The following TRAF3 variants were observed in gnomAD, a reference collection of about 807,000 sequenced individuals.
TRAF3 encodes the protein TNF receptor-associated factor 3.
TRAF3 carries 13 observed loss-of-function variants against 62.3 expected under a neutral mutation model. That is an observed-to-expected ratio of 0.21 (90% confidence interval 0.14 to 0.33). The LOEUF (loss-of-function observed/expected upper bound fraction) is 0.33, where lower values mean the gene tolerates loss of function less well. Among genes scored for constraint, TRAF3 ranks in the 10% least tolerant of loss-of-function variants. TRAF3 has a pLI of 1.00. For synonymous variants in TRAF3, 269 were observed against 283.4 expected, an observed-to-expected ratio of 0.95 and a Z score of 0.51; for missense variants, 440 against 741.8, an observed-to-expected ratio of 0.59 and a Z score of 4.73.
At chr14:102,810,664 C>T (rs1899064545) in intron 1 of TRAF3, 1 of 152,192 alleles carries the variant, frequency 6.6e-6, no homozygotes, top group Admixed American at 6.5e-5. Flanking sequence ...TTTTGATCAG[C>T]AGCTGACATC....
chr14:102,811,282 A>C (rs1409939651), intron 1 of TRAF3, among the ~76,000 whole-genome samples: 1 of 149,636 alleles, frequency 6.7e-6, no homozygotes, highest in Non-Finnish European at 1.5e-5. Flanking sequence ...CGTCCTTCTG[A>C]GCAAACAATG....
chr14:102,886,341 A>G (rs1889387515), intron 7 of TRAF3, 72 bp downstream of exon 7: 8 of 1,341,304 alleles, frequency 6.0e-6, no homozygotes, highest in South Asian at 3.7e-5. Context: ...CCTTCCCTGC[A>G]TAGCCGAAGC....
intron 2 of TRAF3, among the ~76,000 whole-genome samples, chr14:102,857,791 G>A (rs1335260257): frequency 6.6e-6 from 1 of 152,206 alleles, no homozygotes; most frequent in Non-Finnish European, 1.5e-5. Context: ...AAAACAACTA[G>A]TTTCTCTAAT....
rs963628531 is a variant in TRAF3 at position 102,858,833 on chromosome 14, A to G, written c.-17-11352A>G. Among the ~76,000 whole-genome samples the G allele has an allele frequency of 2.6e-5, 4 of 152,310 alleles. No homozygotes were observed. In the South Asian group the frequency reaches 8.3e-4, roughly 32 times the overall value. ...GCTTCCTGTATGATTTTTATACCAA[A>G]TAAGCCAAATTTCACCATTGCATTA... is the stretch of plus-strand genomic sequence containing the variant. On this transcript the variant is annotated intron_variant, in intron 2 of 11. Coordinates refer to ENST00000392745, the MANE Select transcript of TRAF3 (RefSeq NM_145725.3).
intron 6 of TRAF3, among the ~76,000 whole-genome samples, chr14:102,880,803 C>T (rs889681610): frequency 6.6e-6 from 1 of 152,156 alleles, no homozygotes; most frequent in African/African-American, 2.4e-5. Flanking sequence ...ATTGGCTGGG[C>T]GCCGTGGCTT....
At chr14:102,877,635 A>G (rs915736054) in intron 6 of TRAF3, among the ~76,000 whole-genome samples, 2 of 147,732 alleles carry the variant, frequency 1.4e-5, no homozygotes, top group Non-Finnish European at 3.0e-5. Context: ...CGCTCAGCTC[A>G]TAGATAATCC....
chr14:102,850,338 C>T (rs1257061656), intron 2 of TRAF3, among the ~76,000 whole-genome samples: 1 of 152,100 alleles, frequency 6.6e-6, no homozygotes, highest in African/African-American at 2.4e-5. Flanking sequence ...AAATTCATGT[C>T]TAAGACTGTA....
chr14:102,899,874 TTTTC>T (rs1227970044), intron 10 of TRAF3, among the ~76,000 whole-genome samples: 2 of 152,116 alleles, frequency 1.3e-5, no homozygotes, highest in African/African-American at 4.8e-5. Flanking sequence ...AATATCCTGT[TTTTC>T]TTTATTAAGA....
At chr14:102,859,379 G>A (rs1887557980) in intron 2 of TRAF3, among the ~76,000 whole-genome samples, 1 of 152,126 alleles carries the variant, frequency 6.6e-6, no homozygotes, top group East Asian at 1.9e-4. Flanking sequence ...TATGTACTAG[G>A]TATGGAGCCT....
rs1258952481 is a variant in TRAF3 at position 102,777,543 on chromosome 14, G to T, written c.-289G>T. ...GCAGCCCAGCCGGGACTTTCCAGCCGGCGGCAGCCGCGGCGGCCGCCGGCT... is the reference window on the plus strand; with the variant it reads ...GCAGCCCAGCCGGGACTTTCCAGCCTGCGGCAGCCGCGGCGGCCGCCGGCT... On this transcript the variant is annotated 5_prime_UTR_variant, in exon 1 of 12. Transcript: ENST00000392745. The T allele has an allele frequency of 6.9e-6, 1 of 144,924 alleles. No individual in the cohort carries two copies. The highest frequency in any genetic ancestry group is 1.5e-5 in the Non-Finnish European group (1 of 65,170). 9.0% of individuals were successfully genotyped at this position (144,924 alleles called of 1,614,324 possible).
At position 102,819,092 on chromosome 14, in the gene TRAF3, T is replaced by A. The variant is rs553361341; in HGVS notation, c.-156-11242T>A. 9.3e-3 allele frequency among the ~76,000 whole-genome samples: 1,417 copies of A among 151,878 alleles called. 24 individuals are homozygous for A. The highest frequency in any genetic ancestry group is 0.032 in the African/African-American group (1,338 of 41,394). ...AAGTGAAGTTAAAAATTAATTAATT[T>A]AAAAAAATCCCAACTCTTCCATCAC... is the stretch of plus-strand genomic sequence containing the variant. On this transcript the variant is annotated intron_variant, in intron 1 of 11. Transcript: ENST00000392745.
chr14:102,899,886 A>C (rs898699194), intron 10 of TRAF3, among the ~76,000 whole-genome samples: 1 of 152,122 alleles, frequency 6.6e-6, no homozygotes, highest in Non-Finnish European at 1.5e-5. Context: ...TTCTTTATTA[A>C]GAAGACAGCC....
intron 9 of TRAF3, among the ~76,000 whole-genome samples, chr14:102,896,702 C>T (rs567299392): frequency 1.2e-4 from 18 of 152,186 alleles, no homozygotes; most frequent in South Asian, 4.1e-4. Context: ...TTCAATCAGC[C>T]GCTGCACTTT....
chr14:102,787,659 C>T (rs1388487986), intron 1 of TRAF3, among the ~76,000 whole-genome samples: 1 of 152,102 alleles, frequency 6.6e-6, no homozygotes, highest in South Asian at 2.1e-4. Flanking sequence ...TGCACTGCAG[C>T]CTGGGTGACA....
In TRAF3 at chr14:102,870,251, C is replaced by T. The variant is rs745517643; in HGVS notation, c.50C>T (p.Pro17Leu). The change falls in exon 3 of 12, where the codon CCG (proline) becomes CTG (leucine). Residue 17 changes from proline to leucine, a missense_variant. Physicochemically the swap from Pro to Leu is moderately conservative, Grantham distance 98. Around this residue, in one of 6 missense-constraint regions of TRAF3, gnomAD observed 40 missense variants for 38.3 expected, o/e 1.05. Transcript: ENST00000392745. ...TCTCCTGGCGCGCTGCAGACTAACC[C>T]GCCGCTAAAGCTGCACACTGACCGC... Reference protein sequence around the residue: ...MDSPGALQTNPPLKLHTDRSA... With the variant: ...MDSPGALQTNLPLKLHTDRSA... 56 of 1,614,174 alleles carry T rather than the reference C, an allele frequency of 3.5e-5. No homozygotes were observed. The highest frequency in any genetic ancestry group is 4.5e-5 in the Non-Finnish European group (53 of 1,180,034).
In TRAF3 at chr14:102,825,156, C is replaced by T. The variant is rs562447329; in HGVS notation, c.-156-5178C>T. ...CTGTGAGGACACCGGGCCGTGCCTT[C>T]GCCAGGAGGAGGTCATGCCAAGTCC... On this transcript the variant is annotated intron_variant, in intron 1 of 11. Coordinates refer to ENST00000392745, the MANE Select transcript of TRAF3 (RefSeq NM_145725.3). 1.3e-3 allele frequency among the ~76,000 whole-genome samples: 197 copies of T among 152,334 alleles called. 1 individual carries two copies. The highest frequency in any genetic ancestry group is 1.9e-3 in the Non-Finnish European group (130 of 68,034).
intron 2 of TRAF3, among the ~76,000 whole-genome samples, chr14:102,856,258 C>T (rs185478091): frequency 4.7e-4 from 72 of 152,272 alleles, no homozygotes; most frequent in Admixed American, 2.4e-3. Flanking sequence ...CCCATTGCCA[C>T]TCAGCTGCTT....
At chr14:102,900,007 G>A (rs1195311754) in intron 10 of TRAF3, among the ~76,000 whole-genome samples, 2 of 151,370 alleles carry the variant, frequency 1.3e-5, no homozygotes, top group South Asian at 4.2e-4. Context: ...GTGAAACCCC[G>A]TCTCTACTAA....
chr14:102,886,688 G>A (rs191587661), intron 7 of TRAF3, among the ~76,000 whole-genome samples: 31 of 150,990 alleles, frequency 2.1e-4, no homozygotes, highest in African/African-American at 6.8e-4. Context: ...CCGGGGAGGC[G>A]GAGGTTGAAC....
Sources: allele counts gnomAD v4.1 joint callset (sites outside exome capture counted in the v4.1 genomes callset), GRCh38; gene constraint gnomAD v4.1.1; regional missense constraint gnomAD v4.1.1; transcripts MANE v1.5; gene names NCBI Gene and HGNC (gene_info 2026-07-23, HGNC 2026-07-21).